MACROD2: variants seen among roughly 807,000 people sequenced by gnomAD.
MACROD2 encodes the protein ADP-ribose glycohydrolase MACROD2.
A neutral mutation model predicts 70.4 loss-of-function variants in MACROD2; 36 were observed. The observed-to-expected ratio is 0.51, with a 90% CI of 0.39 to 0.68. The LOEUF (loss-of-function observed/expected upper bound fraction) is 0.68, where lower values mean the gene tolerates loss of function less well. Ranked by LOEUF, MACROD2 falls within the 30% of genes least tolerant of loss-of-function variation. MACROD2 has a pLI of 0.00. For missense variants in MACROD2, 496 were observed against 538.4 expected, an observed-to-expected ratio of 0.92 and a Z score of 0.78; for synonymous variants, 172 against 178.8, an observed-to-expected ratio of 0.96 and a Z score of 0.30.
At chr20:15,919,609 C>T (rs1031501654) in intron 10 of MACROD2, among the ~76,000 whole-genome samples, 4 of 152,108 alleles carry the variant, frequency 2.6e-5, no homozygotes, top group African/African-American at 7.2e-5. Flanking sequence ...GTGGTGTGTG[C>T]CTGTAATCCC....
chr20:15,271,795 C>T (rs924688214), intron 6 of MACROD2, among the ~76,000 whole-genome samples: 2 of 152,172 alleles, frequency 1.3e-5, no homozygotes, highest in African/African-American at 4.8e-5. Context: ...CAGTGATAGT[C>T]CAGCATGGGT....
intron 5 of MACROD2, among the ~76,000 whole-genome samples, chr20:14,771,018 G>C (rs1156843051): frequency 6.6e-6 from 1 of 152,080 alleles, no homozygotes; most frequent in Non-Finnish European, 1.5e-5. Flanking sequence ...TTCTGGATGA[G>C]ATTAGCATTG....
intron 2 of MACROD2, among the ~76,000 whole-genome samples, chr20:14,020,987 C>CTTTTTTTT (rs1163077387): frequency 1.8e-5 from 2 of 111,546 alleles, no homozygotes; most frequent in African/African-American, 3.5e-5. Flanking sequence ...TTTGAATATT[C>CTTTTTTTT]TTTTTTTTTT....
At chr20:15,550,806 C>T (rs1353170308) in intron 8 of MACROD2, among the ~76,000 whole-genome samples, 1 of 152,076 alleles carries the variant, frequency 6.6e-6, no homozygotes, top group Non-Finnish European at 1.5e-5. Context: ...TCTCAACAAC[C>T]CCAGCAATTT....
chr20:14,191,159 TG>T (rs1303744382), intron 3 of MACROD2, among the ~76,000 whole-genome samples: 1 of 152,166 alleles, frequency 6.6e-6, no homozygotes, highest in Non-Finnish European at 1.5e-5. Context: ...CAGGCTCTTG[TG>T]CCTCCATACC....
intron 7 of MACROD2, among the ~76,000 whole-genome samples, chr20:15,490,721 G>A (rs189895053): frequency 1.3e-5 from 2 of 152,168 alleles, no homozygotes; most frequent in Non-Finnish European, 2.9e-5. Flanking sequence ...GGCTACGAAG[G>A]TCCCGAGCTC....
At chr20:14,469,403 G>T (rs2084500012) in intron 3 of MACROD2, among the ~76,000 whole-genome samples, 1 of 151,870 alleles carries the variant, frequency 6.6e-6, no homozygotes, top group African/African-American at 2.4e-5. Context: ...ACGATTACGT[G>T]TCTTGGGGTT....
intron 5 of MACROD2, among the ~76,000 whole-genome samples, chr20:15,162,162 C>G (rs774026520): frequency 6.6e-6 from 1 of 151,952 alleles, no homozygotes; most frequent in Non-Finnish European, 1.5e-5. Context: ...TGACTTGCTG[C>G]GCTTTCAAGA....
chr20:14,068,270 C>G (rs1289055645), intron 2 of MACROD2, among the ~76,000 whole-genome samples: 1 of 151,226 alleles, frequency 6.6e-6, no homozygotes, highest in Non-Finnish European at 1.5e-5. Context: ...GCACCCCCCA[C>G]CCCCCCTGTG....
intron 6 of MACROD2, among the ~76,000 whole-genome samples, chr20:15,392,516 C>T (rs1369440941): frequency 6.6e-6 from 1 of 151,964 alleles, no homozygotes; most frequent in Admixed American, 6.6e-5. Flanking sequence ...TTTGCATAAT[C>T]AGTGTCATTT....
chr20:15,125,401 G>A (rs1160407961), intron 5 of MACROD2, among the ~76,000 whole-genome samples: 5 of 151,930 alleles, frequency 3.3e-5, no homozygotes, highest in African/African-American at 9.7e-5. Flanking sequence ...CTAAACGTAG[G>A]GGTTAAGATG....
chr20:15,725,666 G>A (rs2146941632), intron 8 of MACROD2, among the ~76,000 whole-genome samples: 1 of 151,986 alleles, frequency 6.6e-6, no homozygotes, highest in Admixed American at 6.6e-5. Context: ...CCTAATTCTA[G>A]GTAAAGCTTC....
chr20:15,009,367 A>G (rs2075064062), intron 5 of MACROD2, among the ~76,000 whole-genome samples: 1 of 152,122 alleles, frequency 6.6e-6, no homozygotes, highest in Non-Finnish European at 1.5e-5. Context: ...GCCCTCCTAA[A>G]GATTGCTGTG....
At chr20:15,419,987 A>G (rs1319337028) in intron 6 of MACROD2, among the ~76,000 whole-genome samples, 1 of 152,174 alleles carries the variant, frequency 6.6e-6, no homozygotes, top group East Asian at 1.9e-4. Context: ...TTGCTTCTAT[A>G]TAAAGGGAGT....
intron 7 of MACROD2, among the ~76,000 whole-genome samples, chr20:15,440,322 C>T (rs1568809592): frequency 6.6e-6 from 1 of 152,150 alleles, no homozygotes; most frequent in African/African-American, 2.4e-5. Flanking sequence ...TGAAGTGCAG[C>T]ATAGCTTAGC....
At chr20:15,615,602 A>C (rs2049026169) in intron 8 of MACROD2, among the ~76,000 whole-genome samples, 1 of 152,066 alleles carries the variant, frequency 6.6e-6, no homozygotes, top group Non-Finnish European at 1.5e-5. Flanking sequence ...TGAAAGTATG[A>C]GCAGAAGAGG....
intron 2 of MACROD2, among the ~76,000 whole-genome samples, chr20:14,022,132 A>G (rs937417836): frequency 3.3e-5 from 5 of 152,220 alleles, no homozygotes; most frequent in Non-Finnish European, 7.3e-5. Flanking sequence ...AATTTAACCC[A>G]TATCAATTGC....
chr20:15,197,097 C>CT, intron 5 of MACROD2: 1 of 858,476 alleles, frequency 1.2e-6, no homozygotes, highest in Non-Finnish European at 1.4e-6. Context: ...TTTGGTTCTC[C>CT]TTTTCATGCC....
At chr20:16,022,863 C>T (rs1258798757) in intron 15 of MACROD2, among the ~76,000 whole-genome samples, 1 of 152,216 alleles carries the variant, frequency 6.6e-6, no homozygotes, top group Non-Finnish European at 1.5e-5. Context: ...CCGAATCATA[C>T]ATTGTGCATG....
Sources: allele counts gnomAD v4.1 joint callset (sites outside exome capture counted in the v4.1 genomes callset), GRCh38; gene constraint gnomAD v4.1.1; transcripts MANE v1.5; gene names NCBI Gene and HGNC (gene_info 2026-07-23, HGNC 2026-07-21).